The following RBFOX2 variants were observed in gnomAD, a reference collection of about 807,000 sequenced individuals.
RBFOX2 encodes RNA binding protein fox-1 homolog 2.
Under a neutral mutation model 49.1 loss-of-function variants are expected in RBFOX2, and 10 were observed. That is an observed-to-expected ratio of 0.20 (90% CI 0.13 to 0.35). The LOEUF (loss-of-function observed/expected upper bound fraction) is 0.35. Ranked by LOEUF, RBFOX2 falls within the 10% of genes least tolerant of loss-of-function variation. The pLI is 1.00. For missense variants in RBFOX2, 323 were observed against 486.9 expected (o/e 0.66, Z 3.17); for synonymous variants, 183 against 187.4 (o/e 0.98, Z 0.19).
chr22:35,873,413 C>A (rs1020152120), intron 1 of RBFOX2, among the ~76,000 whole-genome samples: 1 of 151,882 alleles, frequency 6.6e-6, no homozygotes. Context: ...GGCCACCACA[C>A]CCGACCCTGA....
chr22:35,889,264 G>A (rs1016959729), intron 1 of RBFOX2, among the ~76,000 whole-genome samples: 5 of 151,984 alleles, frequency 3.3e-5, no homozygotes, highest in Non-Finnish European at 5.9e-5. Context: ...TATGAGACCC[G>A]CTCGGGGCAT....
chr22:35,771,900 T>C (rs1330899375), intron 4 of RBFOX2, among the ~76,000 whole-genome samples: 2 of 152,216 alleles, frequency 1.3e-5, no homozygotes, highest in Non-Finnish European at 2.9e-5. Context: ...TGAACTCATG[T>C]TTTGTCACTT....
At chr22:35,807,467 T>A (rs1172487064) in intron 2 of RBFOX2, among the ~76,000 whole-genome samples, 1 of 151,776 alleles carries the variant, frequency 6.6e-6, no homozygotes, top group Non-Finnish European at 1.5e-5. Flanking sequence ...TCCCCAAACA[T>A]TTGGAAAGGA....
upstream of RBFOX2, among the ~76,000 whole-genome samples, chr22:35,965,494 T>C (rs1035444854): frequency 2.0e-5 from 3 of 152,132 alleles, no homozygotes; most frequent in African/African-American, 7.2e-5. Context: ...CTTCTGAAAA[T>C]GAAGCTGTTA....
intron 1 of RBFOX2, among the ~76,000 whole-genome samples, chr22:35,818,021 C>T (rs770529164): frequency 2.0e-4 from 30 of 151,988 alleles, no homozygotes; most frequent in Non-Finnish European, 3.8e-4. Flanking sequence ...AAAGCCAGTC[C>T]GGTCTTTCCC....
intron 1 of RBFOX2, among the ~76,000 whole-genome samples, chr22:35,895,070 G>A (rs1020518419): frequency 3.4e-5 from 5 of 149,142 alleles, no homozygotes; most frequent in Admixed American, 6.7e-5. Context: ...CCCTCCCTCC[G>A]TCCCTCCCTC....
At chr22:36,021,489 T>C (rs1035905473) in intron 1 of RBFOX2, among the ~76,000 whole-genome samples, 9 of 151,814 alleles carry the variant, frequency 5.9e-5, no homozygotes, top group African/African-American at 2.2e-4. Flanking sequence ...TGACAAACGA[T>C]CACAACTGGA....
upstream of RBFOX2, among the ~76,000 whole-genome samples, chr22:35,965,958 C>G (rs552454980): frequency 4.6e-4 from 70 of 152,014 alleles, 1 homozygote; most frequent in African/African-American, 1.7e-3. Context: ...AGTGACCATC[C>G]CCCCGCCCCC....
intron 1 of RBFOX2, among the ~76,000 whole-genome samples, chr22:35,915,110 G>A (rs772147553): frequency 6.6e-6 from 1 of 152,110 alleles, no homozygotes; most frequent in Non-Finnish European, 1.5e-5. Flanking sequence ...CTGCCATTTC[G>A]GAAATATGAC....
chr22:35,995,398 T>C (rs2058148115), intron 1 of RBFOX2: 1 of 152,174 alleles, frequency 6.6e-6, no homozygotes, highest in Non-Finnish European at 1.5e-5. Context: ...CCGCCGGCAA[T>C]GTTATCTCCT....
At chr22:35,793,386 A>G (rs1948159530) in intron 2 of RBFOX2, among the ~76,000 whole-genome samples, 1 of 152,166 alleles carries the variant, frequency 6.6e-6, no homozygotes, top group Non-Finnish European at 1.5e-5. Flanking sequence ...AAATAAATAA[A>G]TCAATGAATA....
At chr22:35,870,325 A>G (rs1300035076) in intron 1 of RBFOX2, among the ~76,000 whole-genome samples, 1 of 151,938 alleles carries the variant, frequency 6.6e-6, no homozygotes, top group Non-Finnish European at 1.5e-5. Flanking sequence ...TGGCCAACAG[A>G]GTGAAATCCC....
chr22:35,929,834 G>A (rs992336261), intron 1 of RBFOX2, among the ~76,000 whole-genome samples: 3 of 151,956 alleles, frequency 2.0e-5, no homozygotes, highest in Non-Finnish European at 4.4e-5. Flanking sequence ...GGTTGGCTGG[G>A]GGAGAGAGGG....
At chr22:35,765,706 A>G (rs1005367670) in intron 5 of RBFOX2, among the ~76,000 whole-genome samples, 1 of 152,154 alleles carries the variant, frequency 6.6e-6, no homozygotes, top group African/African-American at 2.4e-5. Context: ...TGGTTTCCAA[A>G]TATCAGTACT....
intron 1 of RBFOX2, among the ~76,000 whole-genome samples, chr22:35,915,946 C>T (rs942495183): frequency 6.6e-6 from 1 of 152,276 alleles, no homozygotes; most frequent in Non-Finnish European, 1.5e-5. Context: ...GCAGAGGCTC[C>T]GTATGCCTCC....
At chr22:35,876,701 A>AACAC (rs142455818) in intron 1 of RBFOX2, among the ~76,000 whole-genome samples, 11,646 of 140,442 alleles carry the variant, frequency 0.083, 825 homozygotes, top group African/African-American at 0.2. Context: ...CATTAAAAGA[A>AACAC]ACACACACAC....
At chr22:35,843,436 C>G (rs1478843490), upstream of RBFOX2, among the ~76,000 whole-genome samples, 1 of 88,616 alleles carries the variant, frequency 1.1e-5, no homozygotes, top group Non-Finnish European at 2.3e-5. Context: ...TCCCTGTAGT[C>G]TCAACTCTTT....
chr22:35,974,874 A>G (rs561516682), intron 1 of RBFOX2, among the ~76,000 whole-genome samples: 5 of 152,194 alleles, frequency 3.3e-5, no homozygotes, highest in Admixed American at 2.6e-4. Context: ...TCTTTTCCCT[A>G]CTGCCTCTTC....
chr22:35,783,420 CT>C (rs1190298949), intron 2 of RBFOX2, among the ~76,000 whole-genome samples: 2 of 149,078 alleles, frequency 1.3e-5, no homozygotes, highest in East Asian at 4.1e-4. Flanking sequence ...AAAATAAAAA[CT>C]TTTTTTTGAA....
Sources: gnomAD v4.1 joint callset for allele counts (sites outside exome capture counted in the v4.1 genomes callset) on GRCh38, gnomAD v4.1.1 for gene constraint, MANE v1.5 for transcripts, NCBI Gene and HGNC (gene_info 2026-07-23, HGNC 2026-07-21) for gene names.